Variants in AZIN1 observed in about 807,000 individuals in gnomAD.
AZIN1 encodes ornithine decarboxylase antizyme inhibitor.
AZIN1 carries 12 observed loss-of-function variants against 47.4 expected under a neutral mutation model. The observed-to-expected ratio is 0.25, with a 90% confidence interval of 0.16 to 0.41. The LOEUF is 0.41. AZIN1 is among the 10% of genes least tolerant of loss of function. The pLI, the probability that AZIN1 is intolerant of heterozygous loss-of-function variation, is 1.00. For synonymous variants in AZIN1, 155 were observed against 176.3 expected, an observed-to-expected ratio of 0.88 and a Z score of 0.96; for missense variants, 410 against 532.4, an observed-to-expected ratio of 0.77 and a Z score of 2.26.
chr8:102,839,301 A>G (rs1812025801), intron 4 of AZIN1, among the ~76,000 whole-genome samples: 1 of 152,252 alleles, frequency 6.6e-6, no homozygotes, highest in African/African-American at 2.4e-5. Flanking sequence ...GGTGTTAGCC[A>G]TCGCTCCTGG....
rs776823846 is a variant in AZIN1, at chr8:102,834,211, C to A, written c.719G>T (p.Gly240Val). ...NMLDIGGGFTGTEFQLEEVNH... is the reference protein window; with the variant it reads ...NMLDIGGGFTVTEFQLEEVNH... ...TACCTCTTCCAATTGAAATTCAGTT[C>A]CCGTGAATCCTCCACCAATGTCTAA... Residue 240 changes from glycine (G) to valine (V), a missense_variant, in exon 8 of 12, where the codon GGA (glycine) becomes GTA (valine). Coordinates refer to ENST00000337198, the MANE Select transcript of AZIN1 (RefSeq NM_148174.4). The A allele has an allele frequency of 6.2e-7, 1 of 1,612,692 alleles. No individual in the cohort carries two copies. Among genetic ancestry groups the A allele is most frequent in the Non-Finnish European group, 8.5e-7 (1 of 1,179,660 alleles).
intron 2 of AZIN1, among the ~76,000 whole-genome samples, chr8:102,847,093 C>T (rs148667324): frequency 6.6e-4 from 101 of 152,272 alleles, no homozygotes; most frequent in Non-Finnish European, 9.1e-4. Context: ...TTGTTAACCA[C>T]GTCCCAGCTG....
At chr8:102,838,632 T>C in intron 5 of AZIN1, 112 bp downstream of exon 5, 1 of 811,546 alleles carries the variant, frequency 1.2e-6, no homozygotes, top group Non-Finnish European at 1.9e-6. Flanking sequence ...TAAGTTATAA[T>C]TATGATACAC....
In AZIN1 at chr8:102,834,602, T is replaced by TA. The variant is rs545432558; in HGVS notation, c.666+63dup. On this transcript the variant is annotated intron_variant, in intron 7 of 11. Transcript: ENST00000337198. ...GTAATTCACACAGGCAGAAAATACT[T>TA]AGTCTTTAACTTAACATCCTGGCTA... The TA allele has an allele frequency of 8.5e-5, 100 of 1,173,876 alleles. No homozygotes were observed. The East Asian group carries it at 9.6e-4, about 11-fold the overall frequency. The allele number at this position is 1,173,876 out of a possible 1,614,324, so 72.7% of individuals were successfully genotyped here. A position where few individuals can be genotyped will look rare whatever the true frequency, so the allele number is the denominator to read the frequency against.
intron 2 of AZIN1, chr8:102,855,616 T>C (rs769180567): frequency 1.3e-5 from 2 of 152,194 alleles, no homozygotes; most frequent in Non-Finnish European, 1.5e-5. Flanking sequence ...TCAGACTACC[T>C]GCACGGGAAT....
rs1261025415 is a variant in AZIN1, at chr8:102,828,274, T to C, written c.*293A>G. The stretch of plus-strand genomic sequence containing the variant: ...ACGATTTAATGGGGAACCCAATTAA[T>C]GGGCTTCCATCTCCACTAAGTCATC... On this transcript the variant is annotated 3_prime_UTR_variant, in exon 12 of 12. Transcript: ENST00000337198. 1 of 216,924 alleles carries C rather than the reference T, an allele frequency of 4.6e-6. No homozygotes were observed. Among genetic ancestry groups the C allele is most frequent in the Admixed American group, 5.6e-5 (1 of 17,856 alleles). 13.4% of individuals were successfully genotyped at this position (216,924 alleles called of 1,614,324 possible). A position where few individuals can be genotyped will look rare whatever the true frequency, so the allele number is the denominator to read the frequency against.
At chr8:102,862,974 C>T (rs1441940506) in intron 1 of AZIN1, among the ~76,000 whole-genome samples, 2 of 152,252 alleles carry the variant, frequency 1.3e-5, no homozygotes, top group Admixed American at 6.5e-5. Context: ...CAATCTCCCT[C>T]TTTCTGCCTA....
chr8:102,864,196 A>G (rs922710182), upstream of AZIN1: 3 of 196,012 alleles, frequency 1.5e-5, no homozygotes, highest in Non-Finnish European at 3.1e-5. Flanking sequence ...CAGTATTTAT[A>G]TTAGGGGGCG....
chr8:102,832,365 A>G (rs1299885060), intron 9 of AZIN1, among the ~76,000 whole-genome samples: 3 of 152,188 alleles, frequency 2.0e-5, no homozygotes, highest in African/African-American at 7.2e-5. Flanking sequence ...CTACAATATT[A>G]GCCAACAAGA....
intron 2 of AZIN1, among the ~76,000 whole-genome samples, chr8:102,849,528 A>G (rs1208800037): frequency 1.3e-5 from 2 of 152,136 alleles, no homozygotes; most frequent in Non-Finnish European, 2.9e-5. Context: ...AACTAATTAT[A>G]TTAAACTTGA....
At chr8:102,842,503 C>T (rs1194312770) in intron 3 of AZIN1, among the ~76,000 whole-genome samples, 2 of 151,934 alleles carry the variant, frequency 1.3e-5, no homozygotes, top group Admixed American at 6.6e-5. Context: ...GTCAGGAGTT[C>T]GAGACCAGCC....
intron 3 of AZIN1, among the ~76,000 whole-genome samples, chr8:102,843,009 G>A (rs147634893): frequency 6.6e-6 from 1 of 151,984 alleles, no homozygotes; most frequent in Non-Finnish European, 1.5e-5. Context: ...CTGAGGTCAG[G>A]AGTTCAAGAC....
intron 11 of AZIN1, among the ~76,000 whole-genome samples, chr8:102,828,894 A>G (rs1345520853): frequency 1.3e-5 from 2 of 152,226 alleles, no homozygotes; most frequent in Non-Finnish European, 2.9e-5. Flanking sequence ...GAAGTTTAAA[A>G]AGTCCTATCA....
chr8:102,864,026 G>A lies in AZIN1; in HGVS notation c.-453C>T, dbSNP rs1264916276. On this transcript the variant is annotated 5_prime_UTR_variant, in exon 1 of 12. Transcript: ENST00000337198. Reference sequence around the variant, plus strand: ...AGAACAGCGCAGGCAAAAGAAGAAAGGCGCGGGCTGGGTGGGAAGAGGATT... The same window carrying A: ...AGAACAGCGCAGGCAAAAGAAGAAAAGCGCGGGCTGGGTGGGAAGAGGATT... The A allele has an allele frequency of 6.4e-6, 1 of 156,670 alleles. No individual in the cohort carries two copies. Among genetic ancestry groups the A allele is most frequent in the Non-Finnish European group, 1.4e-5 (1 of 70,788 alleles). 9.7% of individuals were successfully genotyped at this position (156,670 alleles called of 1,614,324 possible).
intron 3 of AZIN1, 107 bp from the exon 4 acceptor site, chr8:102,839,930 G>A: frequency 4.2e-6 from 3 of 712,072 alleles, no homozygotes; most frequent in Non-Finnish European, 6.7e-6. Context: ...TATGGGTCAA[G>A]ACATATATTT....
chr8:102,853,424 C>G (rs569053122), intron 2 of AZIN1, among the ~76,000 whole-genome samples: 1 of 152,164 alleles, frequency 6.6e-6, no homozygotes, highest in Non-Finnish European at 1.5e-5. Flanking sequence ...ATTGATGGAA[C>G]CCGGGAGGTG....
chr8:102,843,527 C>T, intron 3 of AZIN1, 24 bp downstream of exon 3: 7 of 1,583,914 alleles, frequency 4.4e-6, no homozygotes, highest in Non-Finnish European at 6.1e-6. Context: ...ATGACAAACA[C>T]TGTATTTGAG....
intron 2 of AZIN1, among the ~76,000 whole-genome samples, chr8:102,856,259 G>A (rs760186358): frequency 1.6e-4 from 25 of 152,072 alleles, no homozygotes; most frequent in Admixed American, 7.9e-4. Flanking sequence ...AAGATTACAT[G>A]TGAATATTTA....
chr8:102,828,546 T>C lies in AZIN1; in HGVS notation c.*21A>G. 6.6e-7 allele frequency: 1 copy of C among 1,516,216 alleles called. No individual in the cohort carries two copies. Among genetic ancestry groups the C allele is most frequent in the Non-Finnish European group, 9.1e-7 (1 of 1,099,892 alleles). 93.9% of individuals were successfully genotyped at this position (1,516,216 alleles called of 1,614,324 possible). A position where few individuals can be genotyped will look rare whatever the true frequency, so the allele number is the denominator to read the frequency against. On this transcript the variant is annotated 3_prime_UTR_variant, in exon 12 of 12. Transcript: ENST00000337198. ...CAAGCTTAACCTGCAACTTCAGATC[T>C]AAAGAAGCGTTAATGCCTGTTTAAG...
Sources: gnomAD v4.1 joint callset for allele counts (sites outside exome capture counted in the v4.1 genomes callset) on GRCh38, gnomAD v4.1.1 for gene constraint, MANE v1.5 for transcripts, NCBI Gene and HGNC (gene_info 2026-07-23, HGNC 2026-07-21) for gene names.